PPM1E: variants seen among roughly 807,000 people sequenced by gnomAD.
PPM1E encodes the protein protein phosphatase, Mg2+/Mn2+ dependent 1E, also known as protein phosphatase 1E.
PPM1E carries 20 observed loss-of-function variants against 65.9 expected under a neutral mutation model. The observed-to-expected ratio is 0.30, with a 90% CI of 0.21 to 0.44. The LOEUF is 0.44. PPM1E is among the 20% of genes least tolerant of loss of function. The pLI is 1.00. For synonymous variants in PPM1E, 352 were observed against 374.9 expected (o/e 0.94, Z 0.70); for missense variants, 713 against 953.1 (o/e 0.75, Z 3.32).
chr17:58,877,544 G>T (rs1177204896), intron 1 of PPM1E, among the ~76,000 whole-genome samples: 6 of 151,990 alleles, frequency 3.9e-5, no homozygotes, highest in East Asian at 3.8e-4. Context: ...TAGAATTTTT[G>T]ATATATTTTT....
At chr17:58,973,796 T>C (rs1285361061) in intron 6 of PPM1E, among the ~76,000 whole-genome samples, 1 of 151,450 alleles carries the variant, frequency 6.6e-6, no homozygotes, top group African/African-American at 2.4e-5. Context: ...ACTAAAAATA[T>C]AAAAAATTAG....
Position 58,972,036 on chromosome 17 carries a change from C to T in PPM1E, c.973-96C>T, listed in dbSNP as rs2030666745. On this transcript the variant is annotated intron_variant, in intron 4 of 6. Coordinates refer to ENST00000308249, the MANE Select transcript of PPM1E (RefSeq NM_014906.5). Reference sequence around the variant, plus strand: ...TGAAATTCCATTATTAATAGTATAGCTCCCAGCTGAAAAGCTTAATTATAA... The same window carrying T: ...TGAAATTCCATTATTAATAGTATAGTTCCCAGCTGAAAAGCTTAATTATAA... 9 of 1,186,098 alleles carry T rather than the reference C, an allele frequency of 7.6e-6. No homozygotes were observed. In the South Asian group the frequency reaches 1.1e-4, roughly 14 times the overall value. The allele number at this position is 1,186,098 out of a possible 1,614,324, so 73.5% of individuals were successfully genotyped here.
intron 1 of PPM1E, among the ~76,000 whole-genome samples, chr17:58,829,191 C>T (rs530053574): frequency 2.0e-4 from 30 of 151,872 alleles, no homozygotes; most frequent in South Asian, 1.3e-3. Flanking sequence ...TACAGGCATG[C>T]GCCACCATGC....
chr17:58,892,472 C>T (rs1209872727), intron 1 of PPM1E, among the ~76,000 whole-genome samples: 1 of 152,034 alleles, frequency 6.6e-6, no homozygotes, highest in African/African-American at 2.4e-5. Flanking sequence ...ACTCAGGAGG[C>T]TGAGGCAACA....
At chr17:58,780,244 C>G (rs1259337494) in intron 1 of PPM1E, among the ~76,000 whole-genome samples, 3 of 152,226 alleles carry the variant, frequency 2.0e-5, no homozygotes, top group Non-Finnish European at 2.9e-5. Context: ...TGCCATGGCT[C>G]ACGCCTGTAA....
chr17:58,756,411 G>T lies in PPM1E; in HGVS notation c.414G>T (p.Glu138Asp). 7.4e-7 allele frequency: 1 copy of T among 1,357,076 alleles called. No individual in the cohort carries two copies. The highest frequency in any genetic ancestry group is 9.5e-7 in the Non-Finnish European group (1 of 1,058,188). The allele number at this position is 1,357,076 out of a possible 1,614,324, so 84.1% of individuals were successfully genotyped here. ...PRPLSERITREEVEGESLDLC... is the reference protein window; with the variant it reads ...PRPLSERITRDEVEGESLDLC... ...CGCTGTCAGAGCGCATCACCCGCGAGGAGGTGGAGGGCGAAAGCCTGGACC... is the reference window on the plus strand; with the variant it reads ...CGCTGTCAGAGCGCATCACCCGCGATGAGGTGGAGGGCGAAAGCCTGGACC... Residue 138 changes from glutamate (E) to aspartate (D), a missense_variant, in exon 1 of 7, where the codon GAG (glutamate) becomes GAT (aspartate). Transcript: ENST00000308249.
At chr17:58,775,883 C>T (rs531193830) in intron 1 of PPM1E, among the ~76,000 whole-genome samples, 10 of 125,768 alleles carry the variant, frequency 8.0e-5, no homozygotes, top group East Asian at 2.5e-4. Context: ...CACTGCAGTC[C>T]GCAGTCCGGC....
intron 3 of PPM1E, among the ~76,000 whole-genome samples, chr17:58,968,142 C>A (rs898350771): frequency 6.6e-6 from 1 of 152,124 alleles, no homozygotes; most frequent in African/African-American, 2.4e-5. Context: ...TCCTTCATGT[C>A]ATTAAAGTTG....
intron 1 of PPM1E, among the ~76,000 whole-genome samples, chr17:58,856,476 G>A (rs1378875833): frequency 6.6e-6 from 1 of 152,086 alleles, no homozygotes. Context: ...TTCATTTTAT[G>A]ATGTCTTCCA....
chr17:58,820,893 G>A lies in PPM1E; in HGVS notation c.464+64432G>A, dbSNP rs138265240. On this transcript the variant is annotated intron_variant, in intron 1 of 6. Coordinates refer to ENST00000308249, the MANE Select transcript of PPM1E (RefSeq NM_014906.5). Reference sequence around the variant, plus strand: ...AGACAAACAGATTGCTGTGCTATATGAACAACTAACTATGAAGACTAAATA... The same window carrying A: ...AGACAAACAGATTGCTGTGCTATATAAACAACTAACTATGAAGACTAAATA... 4.0e-3 allele frequency among the ~76,000 whole-genome samples: 615 copies of A among 152,160 alleles called. 9 individuals are homozygous for A. The highest frequency in any genetic ancestry group is 0.014 in the African/African-American group (578 of 41,536).
rs981057803 is a variant in PPM1E, at chr17:58,956,189, C to T, written c.583+422C>T. Among the ~76,000 whole-genome samples, 4 of 152,104 alleles carry T rather than the reference C, an allele frequency of 2.6e-5. No homozygotes were observed. In the South Asian group the frequency reaches 6.2e-4, roughly 24 times the overall value. On this transcript the variant is annotated intron_variant, in intron 2 of 6. Transcript: ENST00000308249. ...CAGTGGCTCACACCCGTAATCCCAG[C>T]GTGAGAGGCTGAGGTGGGCAGATCA...
rs889736868 is a variant in PPM1E, at chr17:58,837,092, A to T, written c.464+80631A>T. Among the ~76,000 whole-genome samples the T allele has an allele frequency of 6.0e-5, 9 of 150,410 alleles. No homozygotes were observed. In the South Asian group the frequency reaches 1.9e-3, roughly 32 times the overall value. On this transcript the variant is annotated intron_variant, in intron 1 of 6. Coordinates refer to ENST00000308249, the MANE Select transcript of PPM1E (RefSeq NM_014906.5). ...CGTGCCCAGCCACAAAAAATTTAAGATCAACTGGGTTTGTTGGCGCATGCC... is the reference window on the plus strand; with the variant it reads ...CGTGCCCAGCCACAAAAAATTTAAGTTCAACTGGGTTTGTTGGCGCATGCC...
intron 1 of PPM1E, among the ~76,000 whole-genome samples, chr17:58,821,406 G>T (rs1000427303): frequency 6.6e-5 from 10 of 152,168 alleles, no homozygotes; most frequent in African/African-American, 2.2e-4. Flanking sequence ...CACCGCGCCC[G>T]GCCAGCTTTG....
chr17:58,880,650 A>G (rs2051184682), intron 1 of PPM1E, among the ~76,000 whole-genome samples: 1 of 151,808 alleles, frequency 6.6e-6, no homozygotes, highest in African/African-American at 2.4e-5. Context: ...TTGAGACAGG[A>G]TCTTACTCTG....
At chr17:58,862,591 C>G (rs968195162) in intron 1 of PPM1E, among the ~76,000 whole-genome samples, 3 of 152,146 alleles carry the variant, frequency 2.0e-5, no homozygotes, top group Non-Finnish European at 2.9e-5. Flanking sequence ...TATAATTGTC[C>G]TACCTTGAAG....
chr17:58,808,242 A>G (rs1224904829), intron 1 of PPM1E, among the ~76,000 whole-genome samples: 1 of 152,176 alleles, frequency 6.6e-6, no homozygotes, highest in Non-Finnish European at 1.5e-5. Flanking sequence ...GCCTAGTAGG[A>G]TCATCTTCTT....
intron 1 of PPM1E, among the ~76,000 whole-genome samples, chr17:58,779,098 T>C (rs2050026641): frequency 2.0e-5 from 3 of 151,552 alleles, no homozygotes; most frequent in African/African-American, 7.3e-5. Context: ...ATATATTTTA[T>C]TTTGTGATTA....
At chr17:58,854,509 C>T (rs1053047613) in intron 1 of PPM1E, among the ~76,000 whole-genome samples, 1 of 152,202 alleles carries the variant, frequency 6.6e-6, no homozygotes, top group Non-Finnish European at 1.5e-5. Context: ...AAAAGCTTTT[C>T]GTCTTTTCAT....
rs1421904167 is a variant in PPM1E, at chr17:58,951,991, T to C, written c.465-3658T>C. Among the ~76,000 whole-genome samples the C allele has an allele frequency of 4.6e-5, 7 of 152,304 alleles. No homozygotes were observed. The South Asian group carries it at 1.0e-3, about 23-fold the overall frequency. On this transcript the variant is annotated intron_variant, in intron 1 of 6. Transcript: ENST00000308249. The stretch of plus-strand genomic sequence containing the variant: ...GGAACAGTCACCTCTTCCAATCTTA[T>C]GGAGTAGTTTTCATAGGGAAAGATT...
Sources: gnomAD v4.1 joint callset for allele counts (sites outside exome capture counted in the v4.1 genomes callset) on GRCh38, gnomAD v4.1.1 for gene constraint, MANE v1.5 for transcripts, NCBI Gene and HGNC (gene_info 2026-07-23, HGNC 2026-07-21) for gene names.